Variants in ZMAT4 observed in about 807,000 individuals in gnomAD.
The protein encoded by ZMAT4 is zinc finger matrin-type 4.
Under a neutral mutation model 28.7 loss-of-function variants are expected in ZMAT4, and 17 were observed. The observed-to-expected ratio is 0.59, with a 90% confidence interval of 0.41 to 0.89. ZMAT4 has a LOEUF of 0.89. ZMAT4 is among the 40% of genes least tolerant of loss of function. The pLI is 0.00. For synonymous variants in ZMAT4, 117 were observed against 109.2 expected, an observed-to-expected ratio of 1.07 and a Z score of -0.44; for missense variants, 240 against 283.8, an observed-to-expected ratio of 0.85 and a Z score of 1.11.
chr8:40,736,562 G>C (rs1302599429), intron 3 of ZMAT4, among the ~76,000 whole-genome samples: 1 of 152,162 alleles, frequency 6.6e-6, no homozygotes, highest in African/African-American at 2.4e-5. Flanking sequence ...TGCCCAGAAG[G>C]CACACAGAGC....
chr8:40,630,569 G>T (rs1806538165), intron 5 of ZMAT4, among the ~76,000 whole-genome samples: 1 of 152,188 alleles, frequency 6.6e-6, no homozygotes, highest in Non-Finnish European at 1.5e-5. Flanking sequence ...GAAGTATTTG[G>T]CAGTGGTTGA....
At chr8:40,799,892 T>C (rs1304672652) in intron 2 of ZMAT4, among the ~76,000 whole-genome samples, 1 of 152,192 alleles carries the variant, frequency 6.6e-6, no homozygotes, top group African/African-American at 2.4e-5. Flanking sequence ...TAAGTGAATA[T>C]TATGAACTGT....
intron 3 of ZMAT4, among the ~76,000 whole-genome samples, chr8:40,731,371 AT>A (rs1811534267): frequency 6.6e-6 from 1 of 152,272 alleles, no homozygotes; most frequent in African/African-American, 2.4e-5. Context: ...AAGACTTTAA[AT>A]TCATACTTCA....
intron 3 of ZMAT4, among the ~76,000 whole-genome samples, chr8:40,702,541 G>A (rs1423833671): frequency 6.6e-6 from 1 of 152,148 alleles, no homozygotes; most frequent in Non-Finnish European, 1.5e-5. Context: ...ATTCAATCAG[G>A]ATGGAAAACC....
At chr8:40,825,779 G>GTC in intron 1 of ZMAT4, 99 bp from the exon 2 acceptor site, 2 of 867,300 alleles carry the variant, frequency 2.3e-6, no homozygotes, top group Non-Finnish European at 3.6e-6. Context: ...TAACAGGTCT[G>GTC]ACAATGGTGA....
At chr8:40,662,965 G>A (rs929703191) in intron 5 of ZMAT4, among the ~76,000 whole-genome samples, 33 of 152,196 alleles carry the variant, frequency 2.2e-4, no homozygotes, top group African/African-American at 3.1e-4. Flanking sequence ...GCATGAATTC[G>A]ATTTGGTCTC....
chr8:40,608,074 T>C (rs1805663442), intron 5 of ZMAT4, among the ~76,000 whole-genome samples: 1 of 152,156 alleles, frequency 6.6e-6, no homozygotes. Context: ...GATACAAGCT[T>C]GTCCTAGGGT....
chr8:40,575,785 A>T (rs945006179), intron 6 of ZMAT4, among the ~76,000 whole-genome samples: 2 of 152,082 alleles, frequency 1.3e-5, no homozygotes, highest in Non-Finnish European at 2.9e-5. Context: ...CCTCCAAAGG[A>T]TCATAATTCC....
chr8:40,558,678 C>A (rs554738579), intron 6 of ZMAT4, among the ~76,000 whole-genome samples: 3 of 152,148 alleles, frequency 2.0e-5, no homozygotes, highest in Non-Finnish European at 4.4e-5. Flanking sequence ...GTTTGAGATG[C>A]CTGCTGCACA....
chr8:40,634,869 C>T (rs1806733468), intron 5 of ZMAT4, among the ~76,000 whole-genome samples: 2 of 152,208 alleles, frequency 1.3e-5, no homozygotes, highest in Admixed American at 6.5e-5. Context: ...ATTTTGCAAT[C>T]TAGCTTCCTG....
intron 3 of ZMAT4, among the ~76,000 whole-genome samples, chr8:40,723,375 T>G (rs1259924003): frequency 6.6e-6 from 1 of 151,864 alleles, no homozygotes; most frequent in Admixed American, 6.6e-5. Context: ...AAACCCCGTC[T>G]CTACCAAAAA....
At chr8:40,870,482 C>T (rs1447612624) in intron 1 of ZMAT4, among the ~76,000 whole-genome samples, 1 of 152,202 alleles carries the variant, frequency 6.6e-6, no homozygotes, top group Non-Finnish European at 1.5e-5. Context: ...ATTTTTCCCT[C>T]CCCTATACAC....
intron 2 of ZMAT4, among the ~76,000 whole-genome samples, chr8:40,787,703 C>G (rs1163551272): frequency 6.6e-6 from 1 of 152,104 alleles, no homozygotes; most frequent in Non-Finnish European, 1.5e-5. Context: ...TCTGACAACC[C>G]GTGTGGTCTA....
intron 2 of ZMAT4, among the ~76,000 whole-genome samples, chr8:40,820,499 T>C (rs1288183914): frequency 1.3e-5 from 2 of 151,524 alleles, no homozygotes. Flanking sequence ...TGTATATGTG[T>C]GTATGTGTGT....
chr8:40,738,664 C>A (rs866997404), intron 3 of ZMAT4, among the ~76,000 whole-genome samples: 1 of 152,048 alleles, frequency 6.6e-6, no homozygotes, highest in Non-Finnish European at 1.5e-5. Flanking sequence ...AGTCCTTGCG[C>A]GAAGAGAGGT....
chr8:40,874,544 T>C (rs1817976051), intron 1 of ZMAT4, among the ~76,000 whole-genome samples: 1 of 152,198 alleles, frequency 6.6e-6, no homozygotes. Flanking sequence ...AGAAGAGCAG[T>C]CCCTAAACTA....
At chr8:40,878,617 T>C (rs142140907) in intron 1 of ZMAT4, among the ~76,000 whole-genome samples, 1 of 152,312 alleles carries the variant, frequency 6.6e-6, no homozygotes, top group East Asian at 1.9e-4. Context: ...ATCCTCAAAA[T>C]ATATTTGTTG....
chr8:40,613,251 C>T (rs1364091680), intron 5 of ZMAT4, among the ~76,000 whole-genome samples: 13 of 121,754 alleles, frequency 1.1e-4, no homozygotes, highest in Non-Finnish European at 1.9e-4. Context: ...AGTGGGATCT[C>T]AGCTCACTGA....
intron 1 of ZMAT4, among the ~76,000 whole-genome samples, chr8:40,826,203 G>A (rs1816032834): frequency 6.6e-6 from 1 of 152,168 alleles, no homozygotes; most frequent in African/African-American, 2.4e-5. Flanking sequence ...ACAATAGAAA[G>A]TGGGTTAAAT....
Sources: gnomAD v4.1 joint callset for allele counts (sites outside exome capture counted in the v4.1 genomes callset) on GRCh38, gnomAD v4.1.1 for gene constraint, MANE v1.5 for transcripts, NCBI Gene and HGNC (gene_info 2026-07-23, HGNC 2026-07-21) for gene names.